The following UBE2O variants were observed in gnomAD, a reference collection of about 807,000 sequenced individuals.
UBE2O encodes the protein ubiquitin conjugating enzyme E2 O.
A neutral mutation model predicts 125.8 loss-of-function variants in UBE2O; 15 were observed. The observed-to-expected ratio is 0.12, with a 90% CI of 0.08 to 0.18. The LOEUF is 0.18. UBE2O is among the 10% of genes least tolerant of loss of function. The probability of loss-of-function intolerance (pLI) is 1.00; values close to 1 mark genes in which losing one functional copy is unlikely to be tolerated. For synonymous variants in UBE2O, 708 were observed against 703.2 expected (o/e 1.01, Z -0.11); for missense variants, 1,280 against 1,723.6 (o/e 0.74, Z 4.56).
chr17:76,453,062 GCCGGGACTGCCT>G lies in UBE2O; in HGVS notation c.68_79del (p.Glu23_Pro26del). On this transcript the variant is annotated inframe_deletion, in exon 1 of 18. Transcript: ENST00000319380. ...CGCCGGGACGGGGGCTGCGGCTGGG[GCCGGGACTGCCT>G]CCGGGGCTGGAGCCGGGGCCTGGGC... is the stretch of plus-strand genomic sequence containing the variant. The G allele has an allele frequency of 3.1e-6, 4 of 1,305,598 alleles. No individual in the cohort carries two copies. Among genetic ancestry groups the G allele is most frequent in the Non-Finnish European group, 4.0e-6 (4 of 1,002,628 alleles). The allele number at this position is 1,305,598 out of a possible 1,614,324, so 80.9% of individuals were successfully genotyped here. A position where few individuals can be genotyped will look rare whatever the true frequency, so the allele number is the denominator to read the frequency against.
chr17:76,402,503 C>G lies in UBE2O; in HGVS notation c.686+99G>C. The G allele has an allele frequency of 9.6e-7, 1 of 1,044,244 alleles. No homozygotes were observed. The highest frequency in any genetic ancestry group is 1.5e-6 in the Non-Finnish European group (1 of 670,778). The allele number at this position is 1,044,244 out of a possible 1,614,324, so 64.7% of individuals were successfully genotyped here. A position where few individuals can be genotyped will look rare whatever the true frequency, so the allele number is the denominator to read the frequency against. On this transcript the variant is annotated intron_variant, in intron 4 of 17. Transcript: ENST00000319380. This position sits in a 1 kb window ranked among gnomAD's most constrained non-coding sequence, Gnocchi z 5.4. ...ACATCTGTCACTGCCCTTGATCAAACCTGTCATCACTGTCCCCAGGAGGAA... is the reference window on the plus strand; with the variant it reads ...ACATCTGTCACTGCCCTTGATCAAAGCTGTCATCACTGTCCCCAGGAGGAA...
chr17:76,405,695 T>C lies in UBE2O; in HGVS notation c.418-123A>G. The C allele has an allele frequency of 1.2e-6, 1 of 849,532 alleles. No homozygotes were observed. Among genetic ancestry groups the C allele is most frequent in the Non-Finnish European group, 1.9e-6 (1 of 538,386 alleles). 52.6% of individuals were successfully genotyped at this position (849,532 alleles called of 1,614,324 possible). A position where few individuals can be genotyped will look rare whatever the true frequency, so the allele number is the denominator to read the frequency against. On this transcript the variant is annotated intron_variant, in intron 1 of 17. Transcript: ENST00000319380. The surrounding 1 kb of genome is among the most constrained non-coding windows in gnomAD (Gnocchi z 6.1). ...GCTAAGTGCACAAATCCTAAGCGTT[T>C]GGCTAGCAGTATCTTCACAGACCGC... is the stretch of plus-strand genomic sequence containing the variant.
Position 76,419,037 on chromosome 17 carries a change from C to T in UBE2O, c.418-13465G>A, listed in dbSNP as rs73359803. Among the ~76,000 whole-genome samples, 607 of 152,100 alleles carry T rather than the reference C, an allele frequency of 4.0e-3. 2 individuals are homozygous for T. The highest frequency in any genetic ancestry group is 0.014 in the African/African-American group (573 of 41,488). ...GGTGACTCGCGCTGTAATACCAGTA[C>T]TTTGAGAGGCTGAGCTTTGAGAATC... On this transcript the variant is annotated intron_variant, in intron 1 of 17. Coordinates refer to ENST00000319380, the MANE Select transcript of UBE2O (RefSeq NM_022066.4).
In UBE2O at chr17:76,401,110, C is replaced by G. The variant is rs1430994732; in HGVS notation, c.795G>C (p.Val265=). The change falls in exon 6 of 18, where the codon GTG becomes GTC. Residue 265 remains valine, a synonymous_variant. Transcript: ENST00000319380. ...DDSYGFYPGQ[V]LIGPAKIFSS... ...AGAAGATCTTGGCAGGGCCAATGAG[C>G]ACCTGGCCTGGGTAGAAGCCATAGG... 5 of 1,613,728 alleles carry G rather than the reference C, an allele frequency of 3.1e-6. No individual in the cohort carries two copies. The highest frequency in any genetic ancestry group is 4.2e-6 in the Non-Finnish European group (5 of 1,180,040).
intron 1 of UBE2O, among the ~76,000 whole-genome samples, chr17:76,423,903 T>A: frequency 7.7e-6 from 1 of 129,772 alleles, no homozygotes; most frequent in Non-Finnish European, 1.6e-5. Flanking sequence ...GTTCTTTTTT[T>A]TTTTTTTTTT....
chr17:76,397,124 T>C (rs985945245), intron 13 of UBE2O, among the ~76,000 whole-genome samples: 6 of 152,210 alleles, frequency 3.9e-5, no homozygotes, highest in Non-Finnish European at 5.9e-5. Context: ...TTAGGGGACC[T>C]TGGCAGGCCC....
At chr17:76,437,499 A>ATGC (rs1262268273) in intron 1 of UBE2O, among the ~76,000 whole-genome samples, 1 of 152,104 alleles carries the variant, frequency 6.6e-6, no homozygotes, top group Non-Finnish European at 1.5e-5. Context: ...TGTTAAATGC[A>ATGC]ATGTAGTATC....
intron 1 of UBE2O, among the ~76,000 whole-genome samples, chr17:76,430,180 T>C (rs1003187496): frequency 7.9e-5 from 12 of 152,284 alleles, no homozygotes; most frequent in South Asian, 2.1e-4. Flanking sequence ...CTTCTAGAAA[T>C]TGGAGATCTT....
intron 1 of UBE2O, among the ~76,000 whole-genome samples, chr17:76,416,677 C>G (rs75833979): frequency 6.6e-6 from 1 of 152,168 alleles, no homozygotes; most frequent in East Asian, 1.9e-4. Flanking sequence ...TCCCGGGATG[C>G]TGGCATCACT....
chr17:76,418,912 G>T (rs1473429478), intron 1 of UBE2O, among the ~76,000 whole-genome samples: 3 of 152,078 alleles, frequency 2.0e-5, no homozygotes, highest in Non-Finnish European at 4.4e-5. Context: ...GAAAAACACG[G>T]ATTTTTCAAC....
rs145686891 is a variant in UBE2O at position 76,425,751 on chromosome 17, T to A, written c.418-20179A>T. Reference sequence around the variant, plus strand: ...TATTGATACTTTTGTCAAATACCTATCCATAACTTTTCTAAATATCTTCAA... The same window carrying A: ...TATTGATACTTTTGTCAAATACCTAACCATAACTTTTCTAAATATCTTCAA... On this transcript the variant is annotated intron_variant, in intron 1 of 17. Transcript: ENST00000319380. 1.5e-4 allele frequency among the ~76,000 whole-genome samples: 23 copies of A among 152,368 alleles called. 1 individual carries two copies. Among genetic ancestry groups the A allele is most frequent in the African/African-American group, 5.1e-4 (21 of 41,580 alleles).
Position 76,405,097 on chromosome 17 carries a change from A to T in UBE2O, c.588+109T>A, listed in dbSNP as rs552804733. ...GCTGCTGTGCTCCGCCTTCTGACCC[A>T]GGAAGGCTGTGCTTGGCAAGAGCAC... On this transcript the variant is annotated intron_variant, in intron 3 of 17. Coordinates refer to ENST00000319380, the MANE Select transcript of UBE2O (RefSeq NM_022066.4). This position sits in a 1 kb window ranked among gnomAD's most constrained non-coding sequence, Gnocchi z 6.1. 9 of 782,002 alleles carry T rather than the reference A, an allele frequency of 1.2e-5. 1 individual carries two copies. The East Asian group carries it at 2.4e-4, about 21-fold the overall frequency. The allele number at this position is 782,002 out of a possible 1,614,324, so 48.4% of individuals were successfully genotyped here.
rs199817180 is a variant in UBE2O, at chr17:76,391,831, C to A, written c.3151-18G>T. On this transcript the variant is annotated intron_variant, in intron 16 of 17. Transcript: ENST00000319380. The surrounding 1 kb of genome is among the most constrained non-coding windows in gnomAD (Gnocchi z 8.4). ...TCTGTCCCCTGAAACACACAGGGCACCATCAATTCTGTTCCCCAGGCCCCT... is the reference window on the plus strand; with the variant it reads ...TCTGTCCCCTGAAACACACAGGGCAACATCAATTCTGTTCCCCAGGCCCCT... The A allele has an allele frequency of 1.4e-4, 223 of 1,614,036 alleles. 1 individual carries two copies. The East Asian group carries it at 2.8e-3, about 20-fold the overall frequency.
intron 15 of UBE2O, among the ~76,000 whole-genome samples, chr17:76,392,517 G>A (rs564818512): frequency 6.6e-6 from 1 of 152,038 alleles, no homozygotes; most frequent in Admixed American, 6.6e-5. Context: ...CGCCTGCCTC[G>A]GCCTCCCAAA....
chr17:76,423,394 A>G (rs2072741016), intron 1 of UBE2O, among the ~76,000 whole-genome samples: 1 of 151,770 alleles, frequency 6.6e-6, no homozygotes, highest in Non-Finnish European at 1.5e-5. Context: ...AAATAAATAC[A>G]GTAAAAATAA....
At chr17:76,439,526 T>C (rs558454805) in intron 1 of UBE2O, among the ~76,000 whole-genome samples, 2 of 152,382 alleles carry the variant, frequency 1.3e-5, no homozygotes, top group South Asian at 2.1e-4. Flanking sequence ...ACTGCTCTGA[T>C]GGCCAATAGA....
rs374833812 is a variant in UBE2O at position 76,427,102 on chromosome 17, T to C, written c.418-21530A>G. ...TGTTGAACCTGGGGAGTAATCTGCC[T>C]TTCTTCTCAAGCTGCCTTTAGGATG... is the stretch of plus-strand genomic sequence containing the variant. On this transcript the variant is annotated intron_variant, in intron 1 of 17. Coordinates refer to ENST00000319380, the MANE Select transcript of UBE2O (RefSeq NM_022066.4). 1.8e-4 allele frequency among the ~76,000 whole-genome samples: 27 copies of C among 152,310 alleles called. No individual in the cohort carries two copies. In the South Asian group the frequency reaches 5.4e-3, roughly 30 times the overall value.
chr17:76,439,029 T>C (rs1262595029), intron 1 of UBE2O, among the ~76,000 whole-genome samples: 1 of 152,140 alleles, frequency 6.6e-6, no homozygotes, highest in Admixed American at 6.5e-5. Context: ...CCTCTTTATG[T>C]AAAAAACAAA....
chr17:76,412,544 T>C (rs1025959305), intron 1 of UBE2O, among the ~76,000 whole-genome samples: 1 of 152,036 alleles, frequency 6.6e-6, no homozygotes, highest in Non-Finnish European at 1.5e-5. Flanking sequence ...CCAGCCTCTC[T>C]CCCTCCCCTC....
Sources: allele counts gnomAD v4.1 joint callset (sites outside exome capture counted in the v4.1 genomes callset), GRCh38; gene constraint gnomAD v4.1.1; non-coding constraint Gnocchi (gnomAD v3.1); transcripts MANE v1.5; gene names NCBI Gene and HGNC (gene_info 2026-07-23, HGNC 2026-07-21).